SLC44A5: variants seen among roughly 807,000 people sequenced by gnomAD.
The protein encoded by SLC44A5 is solute carrier family 44 member 5.
In SLC44A5, 57 loss-of-function variants were observed where a neutral mutation model predicts 101.8. The ratio of observed to expected loss-of-function variants is 0.56; its 90% CI spans 0.45 to 0.70. The LOEUF is 0.70. Among genes scored for constraint, SLC44A5 ranks in the 30% least tolerant of loss-of-function variants. The pLI is 0.00. For synonymous variants in SLC44A5, 281 were observed against 290.9 expected, an observed-to-expected ratio of 0.97 and a Z score of 0.35; for missense variants, 737 against 853.1, an observed-to-expected ratio of 0.86 and a Z score of 1.70.
intron 4 of SLC44A5, among the ~76,000 whole-genome samples, chr1:75,319,891 T>G (rs181280615): frequency 2.3e-4 from 35 of 152,246 alleles, no homozygotes; most frequent in Non-Finnish European, 4.4e-4. Flanking sequence ...CTGTTGAAAA[T>G]GCTGTGAAAT....
intron 3 of SLC44A5, among the ~76,000 whole-genome samples, chr1:75,388,639 C>T (rs530650372): frequency 4.5e-4 from 69 of 152,068 alleles, no homozygotes; most frequent in African/African-American, 1.5e-3. Flanking sequence ...ATTAGCCAGG[C>T]GTGGTGGCGG....
chr1:75,386,431 C>A (rs1252564281), intron 3 of SLC44A5, among the ~76,000 whole-genome samples: 2 of 151,974 alleles, frequency 1.3e-5, no homozygotes, highest in Admixed American at 6.5e-5. Flanking sequence ...AAACAGAGAG[C>A]CAAATCATGA....
At position 75,300,705 on chromosome 1, in the gene SLC44A5, T is replaced by C. The variant is rs749846986; in HGVS notation, c.102-20A>G. 1 of 1,528,114 alleles carries C rather than the reference T, an allele frequency of 6.5e-7. No homozygotes were observed. 94.7% of individuals were successfully genotyped at this position (1,528,114 alleles called of 1,614,324 possible). A position where few individuals can be genotyped will look rare whatever the true frequency, so the allele number is the denominator to read the frequency against. Reference sequence around the variant, plus strand: ...CAACTCCTAAAGACAAAAAAAGAAATAAATAATTAAAAGAGGTCCCAAATG... The same window carrying C: ...CAACTCCTAAAGACAAAAAAAGAAACAAATAATTAAAAGAGGTCCCAAATG... On this transcript the variant is annotated intron_variant, in intron 4 of 23. Coordinates refer to ENST00000370859, the MANE Select transcript of SLC44A5 (RefSeq NM_001130058.2).
Position 75,420,220 on chromosome 1 carries a change from G to A in SLC44A5, c.14-23599C>T, listed in dbSNP as rs562771689. On this transcript the variant is annotated intron_variant, in intron 2 of 23. Coordinates refer to ENST00000370859, the MANE Select transcript of SLC44A5 (RefSeq NM_001130058.2). ...GACTTCTCAGCCTCCAGAACTGTGA[G>A]AACTAAATTTCTGTTGTTTATAAGC... 2.6e-5 allele frequency among the ~76,000 whole-genome samples: 4 copies of A among 152,198 alleles called. No individual in the cohort carries two copies. The South Asian group carries it at 6.2e-4, about 24-fold the overall frequency.
In SLC44A5 at chr1:75,202,304, G is replaced by GTTTA. The variant is rs905158889; in HGVS notation, c.*1419_*1422dup. On this transcript the variant is annotated 3_prime_UTR_variant, in exon 24 of 24. Transcript: ENST00000370859. ...CTCAGACTGTCATGTGCTCATGTGAGTTTATTTTTGGCATAAAAGTATCTA... is the reference window on the plus strand; with the variant it reads ...CTCAGACTGTCATGTGCTCATGTGAGTTTATTTATTTTTGGCATAAAAGTATCTA... 3 of 152,144 alleles carry GTTTA rather than the reference G, an allele frequency of 2.0e-5. No individual in the cohort carries two copies. The highest frequency in any genetic ancestry group is 7.2e-5 in the African/African-American group (3 of 41,456). The allele number at this position is 152,144 out of a possible 1,614,324, so 9.4% of individuals were successfully genotyped here.
At chr1:75,565,247 T>C (rs1006445819) in intron 1 of SLC44A5, among the ~76,000 whole-genome samples, 1 of 152,166 alleles carries the variant, frequency 6.6e-6, no homozygotes, top group Non-Finnish European at 1.5e-5. Context: ...TAAATTATGC[T>C]GAAAACAAAA....
intron 2 of SLC44A5, among the ~76,000 whole-genome samples, chr1:75,514,555 C>A (rs185679459): frequency 6.6e-6 from 1 of 152,288 alleles, no homozygotes; most frequent in Admixed American, 6.5e-5. Context: ...CTCTCTTTCA[C>A]CAAAATAAAT....
chr1:75,597,785 T>C (rs1674733977), intron 1 of SLC44A5, among the ~76,000 whole-genome samples: 1 of 152,142 alleles, frequency 6.6e-6, no homozygotes, highest in South Asian at 2.1e-4. Flanking sequence ...CATACAAAAA[T>C]TAACTCAAGA....
intron 4 of SLC44A5, among the ~76,000 whole-genome samples, chr1:75,327,645 C>G (rs1056797113): frequency 2.6e-5 from 4 of 152,120 alleles, no homozygotes; most frequent in Non-Finnish European, 5.9e-5. Flanking sequence ...ATATCCTAAT[C>G]CCTTATTTAA....
intron 1 of SLC44A5, among the ~76,000 whole-genome samples, chr1:75,596,446 C>A (rs1056773388): frequency 6.6e-6 from 1 of 152,126 alleles, no homozygotes; most frequent in Non-Finnish European, 1.5e-5. Flanking sequence ...CTCTCTAACT[C>A]ATTTTATGAG....
At chr1:75,562,590 C>T (rs922795771) in intron 1 of SLC44A5, among the ~76,000 whole-genome samples, 5 of 151,950 alleles carry the variant, frequency 3.3e-5, no homozygotes, top group Non-Finnish European at 7.4e-5. Context: ...CCTAGCTACT[C>T]GGGGGGAGGA....
intron 6 of SLC44A5, among the ~76,000 whole-genome samples, chr1:75,271,494 G>GTTTTTTTTTTTTT (rs1160786422): frequency 2.3e-5 from 1 of 42,576 alleles, no homozygotes; most frequent in African/African-American, 1.1e-4. Context: ...CACTCTGCAT[G>GTTTTTTTTTTTTT]TTTTGTGTGT....
chr1:75,248,413 T>A (rs142833202), intron 7 of SLC44A5, among the ~76,000 whole-genome samples: 11 of 152,256 alleles, frequency 7.2e-5, no homozygotes, highest in Non-Finnish European at 7.4e-5. Flanking sequence ...ATGGATGGGC[T>A]GGTCTTAGAA....
rs1451902865 is a variant in SLC44A5 at position 75,344,453 on chromosome 1, G to T, written c.53-4823C>A. 5.9e-5 allele frequency among the ~76,000 whole-genome samples: 9 copies of T among 152,290 alleles called. No individual in the cohort carries two copies. In the East Asian group the frequency reaches 1.7e-3, roughly 29 times the overall value. On this transcript the variant is annotated intron_variant, in intron 3 of 23. Transcript: ENST00000370859. ...AAATGTTACCTAATATAAGGAAAGG[G>T]ATTTTGCAGATGTGAATAAATTAAG...
the SLC44A5 span, among the ~76,000 whole-genome samples, chr1:75,680,812 T>C: frequency 6.9e-6 from 1 of 144,070 alleles, no homozygotes; most frequent in Non-Finnish European, 1.6e-5. Context: ...AAAAAATTAA[T>C]GAATCCAGGA....
chr1:75,635,186 T>C, the SLC44A5 span, among the ~76,000 whole-genome samples: 6 of 151,142 alleles, frequency 4.0e-5, no homozygotes, highest in Admixed American at 2.0e-4. Flanking sequence ...TGTGGAGAAA[T>C]AGGAACACTT....
intron 2 of SLC44A5, among the ~76,000 whole-genome samples, chr1:75,411,668 A>T (rs1265178918): frequency 1.3e-5 from 2 of 152,152 alleles, no homozygotes; most frequent in African/African-American, 4.8e-5. Flanking sequence ...AATGAAAAAT[A>T]AACTCTAGTA....
the SLC44A5 span, among the ~76,000 whole-genome samples, chr1:75,687,276 C>G: frequency 1.1e-4 from 17 of 152,258 alleles, no homozygotes; most frequent in Admixed American, 1.1e-3. Context: ...GTGAATGGCT[C>G]CACAGTGCTG....
chr1:75,703,661 T>C, the SLC44A5 span, among the ~76,000 whole-genome samples: 3 of 146,420 alleles, frequency 2.0e-5, no homozygotes, highest in Non-Finnish European at 4.5e-5. Flanking sequence ...TAAAGTATAA[T>C]AAAAAAAAAA....
Sources: allele counts gnomAD v4.1 joint callset (sites outside exome capture counted in the v4.1 genomes callset), GRCh38; gene constraint gnomAD v4.1.1; transcripts MANE v1.5; gene names NCBI Gene and HGNC (gene_info 2026-07-23, HGNC 2026-07-21).